The following MRTFB variants were observed in gnomAD, a reference collection of about 807,000 sequenced individuals.
The protein encoded by MRTFB is myocardin-related transcription factor B.
Under a neutral mutation model 104.2 loss-of-function variants are expected in MRTFB, and 29 were observed. That is an observed-to-expected ratio of 0.28 (90% CI 0.21 to 0.38). The LOEUF (loss-of-function observed/expected upper bound fraction) is 0.38, where lower values mean the gene tolerates loss of function less well. MRTFB is among the 10% of genes least tolerant of loss of function. MRTFB has a pLI of 1.00. For synonymous variants in MRTFB, 535 were observed against 519.5 expected (o/e 1.03, Z -0.41); for missense variants, 1,270 against 1,341.6 (o/e 0.95, Z 0.83).
intron 3 of MRTFB, among the ~76,000 whole-genome samples, chr16:14,156,357 T>G (rs961823453): frequency 1.3e-5 from 2 of 152,194 alleles, no homozygotes; most frequent in African/African-American, 4.8e-5. Flanking sequence ...AGTAGCAATA[T>G]CAGTTTATTT....
chr16:14,163,137 C>A (rs2039104322), intron 3 of MRTFB, among the ~76,000 whole-genome samples: 5 of 152,158 alleles, frequency 3.3e-5, no homozygotes, highest in Admixed American at 3.3e-4. Flanking sequence ...ATTTGCAGTT[C>A]TTTTTGTTCT....
At chr16:14,056,782 A>G in the MRTFB span, among the ~76,000 whole-genome samples, 1 of 139,458 alleles carries the variant, frequency 7.2e-6, no homozygotes, top group Non-Finnish European at 1.7e-5. Flanking sequence ...CTATCTGTCT[A>G]TCTATCTATC....
chr16:14,138,271 G>C (rs879747106), intron 2 of MRTFB, among the ~76,000 whole-genome samples: 12 of 152,044 alleles, frequency 7.9e-5, no homozygotes, highest in South Asian at 4.1e-4. Context: ...AAATAATATA[G>C]AAATTCAGAA....
chr16:14,065,281 A>G, the MRTFB span, among the ~76,000 whole-genome samples: 13 of 152,144 alleles, frequency 8.5e-5, no homozygotes, highest in African/African-American at 3.1e-4. Context: ...GTGTATGGAA[A>G]TGCTACTGAT....
intron 8 of MRTFB, among the ~76,000 whole-genome samples, chr16:14,228,649 A>G (rs2151286501): frequency 6.6e-6 from 1 of 152,304 alleles, no homozygotes; most frequent in South Asian, 2.1e-4. Context: ...ATTATTCACA[A>G]TAGCCAAAAT....
the MRTFB span, among the ~76,000 whole-genome samples, chr16:13,996,870 T>A: frequency 3.3e-5 from 5 of 152,194 alleles, no homozygotes; most frequent in Non-Finnish European, 7.3e-5. Context: ...ATTAGCCGCG[T>A]GGGGCCATCC....
At chr16:14,093,682 A>G (rs1204564799) in intron 2 of MRTFB, among the ~76,000 whole-genome samples, 3 of 152,200 alleles carry the variant, frequency 2.0e-5, no homozygotes, top group South Asian at 4.1e-4. Context: ...AAAACTTTGT[A>G]TATTTTGAAT....
rs1209227554 is a variant in MRTFB at position 14,265,728 on chromosome 16, A to G, written c.*4284A>G. On this transcript the variant is annotated 3_prime_UTR_variant, in exon 17 of 17. Coordinates refer to ENST00000571589, the MANE Select transcript of MRTFB (RefSeq NM_001308142.2). ...AGGCCTACAATTCGAAAAGCTGCAC[A>G]TGTTTACAGAAGAGCTCTTACCCTC... The G allele has an allele frequency of 6.6e-6, 1 of 152,248 alleles. No homozygotes were observed. Among genetic ancestry groups the G allele is most frequent in the Non-Finnish European group, 1.5e-5 (1 of 68,048 alleles). 9.4% of individuals were successfully genotyped at this position (152,248 alleles called of 1,614,324 possible).
At chr16:14,123,627 A>G (rs993649919) in intron 2 of MRTFB, among the ~76,000 whole-genome samples, 1 of 152,120 alleles carries the variant, frequency 6.6e-6, no homozygotes, top group Non-Finnish European at 1.5e-5. Context: ...CCATTGGTCT[A>G]TATATCTGTT....
intron 2 of MRTFB, among the ~76,000 whole-genome samples, chr16:14,138,901 C>T (rs1215675284): frequency 6.6e-6 from 1 of 152,046 alleles, no homozygotes; most frequent in African/African-American, 2.4e-5. Flanking sequence ...AAAGTTGATT[C>T]GTATTTCACC....
intron 3 of MRTFB, among the ~76,000 whole-genome samples, chr16:14,148,303 G>A (rs890813358): frequency 1.3e-5 from 2 of 152,120 alleles, no homozygotes; most frequent in Non-Finnish European, 2.9e-5. Flanking sequence ...ACTTATGTCT[G>A]CCACGTAACT....
At chr16:14,096,051 AATTTATTTATTTATTTATTT>A (rs3974321) in intron 2 of MRTFB, among the ~76,000 whole-genome samples, 4 of 144,240 alleles carry the variant, frequency 2.8e-5, no homozygotes, top group Non-Finnish European at 6.1e-5. Context: ...GGCAAGCTGA[AATTTATTTATTTATTTATTT>A]ATTTATTTAT....
chr16:14,123,771 G>A (rs1168990092), intron 2 of MRTFB, among the ~76,000 whole-genome samples: 1 of 152,182 alleles, frequency 6.6e-6, no homozygotes, highest in Non-Finnish European at 1.5e-5. Context: ...GGTTCCATAT[G>A]AAGTTTAAAG....
chr16:14,244,783 A>G (rs559009842), intron 10 of MRTFB, among the ~76,000 whole-genome samples: 1 of 152,260 alleles, frequency 6.6e-6, no homozygotes, highest in Admixed American at 6.5e-5. Flanking sequence ...ACCTTTTTAT[A>G]TACTCTAGAT....
At chr16:14,022,209 A>T in the MRTFB span, among the ~76,000 whole-genome samples, 1 of 152,216 alleles carries the variant, frequency 6.6e-6, no homozygotes, top group African/African-American at 2.4e-5. Flanking sequence ...TTGGAGAGCC[A>T]GTCTGCCTAC....
At chr16:14,150,830 A>C (rs2038577336) in intron 3 of MRTFB, 1 of 152,162 alleles carries the variant, frequency 6.6e-6, no homozygotes, top group Admixed American at 6.5e-5. Flanking sequence ...CATATCAAGC[A>C]ATTCAACTTT....
chr16:14,217,011 C>G, intron 6 of MRTFB, 115 bp from the exon 7 acceptor site: 1 of 1,052,322 alleles, frequency 9.5e-7, no homozygotes, highest in East Asian at 2.6e-5. Context: ...ATAAATATGT[C>G]GAGAACACAA....
the MRTFB span, among the ~76,000 whole-genome samples, chr16:14,000,106 C>CAG: frequency 1.3e-5 from 2 of 150,804 alleles, no homozygotes; most frequent in East Asian, 1.9e-4. Flanking sequence ...GCTGGAGAGA[C>CAG]AGAGAGAGAG....
intron 5 of MRTFB, 134 bp downstream of exon 5, chr16:14,212,543 G>T (rs911432540): frequency 1.1e-5 from 8 of 760,830 alleles, no homozygotes; most frequent in Non-Finnish European, 1.7e-5. Flanking sequence ...AGGATACATG[G>T]CATAGAGAAT....
Sources: gnomAD v4.1 joint callset for allele counts (sites outside exome capture counted in the v4.1 genomes callset) on GRCh38, gnomAD v4.1.1 for gene constraint, MANE v1.5 for transcripts, NCBI Gene and HGNC (gene_info 2026-07-23, HGNC 2026-07-21) for gene names.